Variants in COL8A1 observed in about 807,000 individuals in gnomAD.
COL8A1 encodes collagen type VIII alpha 1 chain.
Under a neutral mutation model 42.7 loss-of-function variants are expected in COL8A1, and 21 were observed. That is an observed-to-expected ratio of 0.49 (90% CI 0.35 to 0.71). COL8A1 has a LOEUF of 0.71. Ranked by LOEUF, COL8A1 falls within the 30% of genes least tolerant of loss-of-function variation. COL8A1 has a pLI of 0.01. For missense variants in COL8A1, 788 were observed against 962.4 expected (o/e 0.82, Z 2.40); for synonymous variants, 367 against 369.1 (o/e 0.99, Z 0.06).
rs376486624 is a variant in COL8A1, at chr3:99,705,311, T to G, written c.-128-39586T>G. 9.2e-5 allele frequency among the ~76,000 whole-genome samples: 14 copies of G among 152,354 alleles called. No homozygotes were observed. In the East Asian group the frequency reaches 2.1e-3, roughly 23 times the overall value. On this transcript the variant is annotated intron_variant, in intron 1 of 3. Coordinates refer to ENST00000652472, the MANE Select transcript of COL8A1 (RefSeq NM_020351.4). ...TTAAGTAGGCCTCTGAGGGCCAGCC[T>G]AATGTCCAACTTCCACCATTTCTAT...
chr3:99,770,489 A>T (rs910991787), intron 2 of COL8A1, among the ~76,000 whole-genome samples: 2 of 152,208 alleles, frequency 1.3e-5, no homozygotes, highest in African/African-American at 4.8e-5. Context: ...ACATGTATTC[A>T]TCAACTACCA....
At chr3:99,692,840 A>T (rs570589847) in intron 1 of COL8A1, among the ~76,000 whole-genome samples, 1 of 152,324 alleles carries the variant, frequency 6.6e-6, no homozygotes, top group East Asian at 1.9e-4. Flanking sequence ...GTATAAACAA[A>T]CCTACTGCAC....
At chr3:99,721,104 T>C (rs1009423699) in intron 1 of COL8A1, among the ~76,000 whole-genome samples, 15 of 151,924 alleles carry the variant, frequency 9.9e-5, no homozygotes, top group African/African-American at 3.6e-4. Flanking sequence ...CTACAGATAG[T>C]GAAGCACAAA....
intron 1 of COL8A1, among the ~76,000 whole-genome samples, chr3:99,716,156 G>T (rs905407641): frequency 2.0e-5 from 3 of 151,890 alleles, no homozygotes; most frequent in Admixed American, 6.6e-5. Context: ...TACACAAGTG[G>T]GTAATTACAG....
intron 2 of COL8A1, among the ~76,000 whole-genome samples, chr3:99,773,843 T>TATATATATATATATATATATATA (rs1559632732): frequency 1.0e-5 from 1 of 96,388 alleles, no homozygotes; most frequent in Non-Finnish European, 2.1e-5. Flanking sequence ...ATATATTTTT[T>TATATATATATATATATATATATA]TTTTTTTTTT....
At chr3:99,686,767 C>T (rs947987072) in intron 1 of COL8A1, among the ~76,000 whole-genome samples, 2 of 152,184 alleles carry the variant, frequency 1.3e-5, no homozygotes, top group Admixed American at 6.5e-5. Flanking sequence ...CTCAGCCTCC[C>T]TAGCCTTAGG....
intron 1 of COL8A1, among the ~76,000 whole-genome samples, chr3:99,724,704 A>T (rs1940254147): frequency 6.6e-6 from 1 of 152,098 alleles, no homozygotes; most frequent in Non-Finnish European, 1.5e-5. Flanking sequence ...AAAAAATTCC[A>T]ATGCTTTTTC....
At chr3:99,719,115 G>A (rs958381626) in intron 1 of COL8A1, among the ~76,000 whole-genome samples, 7 of 152,046 alleles carry the variant, frequency 4.6e-5, no homozygotes, top group African/African-American at 1.4e-4. Context: ...TCAGAGATTT[G>A]TTGTAAGGAT....
At chr3:99,669,691 T>A (rs1037887740) in intron 1 of COL8A1, among the ~76,000 whole-genome samples, 2 of 152,058 alleles carry the variant, frequency 1.3e-5, no homozygotes, top group East Asian at 1.9e-4. Context: ...AATAACCATA[T>A]AAGTCAACCT....
At chr3:99,717,263 C>T (rs1239890363) in intron 1 of COL8A1, among the ~76,000 whole-genome samples, 1 of 151,958 alleles carries the variant, frequency 6.6e-6, no homozygotes, top group Non-Finnish European at 1.5e-5. Context: ...AAATATTACT[C>T]ATTATATCAT....
chr3:99,734,758 G>T (rs1029868815), intron 1 of COL8A1, among the ~76,000 whole-genome samples: 1 of 151,812 alleles, frequency 6.6e-6, no homozygotes, highest in African/African-American at 2.4e-5. Flanking sequence ...CCATTTTCAC[G>T]ATATTGATTC....
intron 2 of COL8A1, among the ~76,000 whole-genome samples, chr3:99,753,237 G>C (rs1012288610): frequency 3.3e-5 from 5 of 152,148 alleles, no homozygotes; most frequent in Non-Finnish European, 7.3e-5. Flanking sequence ...TACTGGCAGG[G>C]GGACCACACT....
intron 1 of COL8A1, among the ~76,000 whole-genome samples, chr3:99,721,972 T>C (rs1015279661): frequency 1.3e-5 from 2 of 151,754 alleles, no homozygotes; most frequent in Non-Finnish European, 2.9e-5. Context: ...TAAAAGGAAA[T>C]GAAGTGAAAA....
intron 2 of COL8A1, among the ~76,000 whole-genome samples, chr3:99,778,579 G>A (rs548554285): frequency 1.9e-4 from 29 of 151,648 alleles, no homozygotes; most frequent in African/African-American, 5.1e-4. Context: ...TTTTACCATC[G>A]GTCAACCCTT....
At chr3:99,680,036 T>C (rs1321275139) in intron 1 of COL8A1, 1 of 152,186 alleles carries the variant, frequency 6.6e-6, no homozygotes, top group Non-Finnish European at 1.5e-5. Flanking sequence ...AGGGTACATG[T>C]GCACAATGTG....
At chr3:99,642,462 A>C (rs1198015246) in intron 1 of COL8A1, among the ~76,000 whole-genome samples, 2 of 152,216 alleles carry the variant, frequency 1.3e-5, no homozygotes, top group Non-Finnish European at 2.9e-5. Context: ...AATAAAAATA[A>C]AAATAATGAA....
chr3:99,639,675 G>A (rs73150247), intron 1 of COL8A1, among the ~76,000 whole-genome samples: 7,762 of 152,280 alleles, frequency 0.051, 282 homozygotes, highest in Non-Finnish European at 0.083. Flanking sequence ...ATACTCCACA[G>A]CCACTTCTGT....
chr3:99,717,399 C>T (rs1478691389), intron 1 of COL8A1, among the ~76,000 whole-genome samples: 3 of 151,934 alleles, frequency 2.0e-5, no homozygotes, highest in Admixed American at 6.6e-5. Context: ...GTTCATGGCC[C>T]TTCAAAGACA....
intron 1 of COL8A1, among the ~76,000 whole-genome samples, chr3:99,649,189 G>A (rs1937756290): frequency 6.6e-6 from 1 of 151,950 alleles, no homozygotes; most frequent in African/African-American, 2.4e-5. Flanking sequence ...CTGCCTCGTG[G>A]ATCTCCTTCA....
Sources: gnomAD v4.1 joint callset for allele counts (sites outside exome capture counted in the v4.1 genomes callset) on GRCh38, gnomAD v4.1.1 for gene constraint, MANE v1.5 for transcripts, NCBI Gene and HGNC (gene_info 2026-07-23, HGNC 2026-07-21) for gene names.